The following SLC75A1 variants were observed in gnomAD, a reference collection of about 807,000 sequenced individuals.
SLC75A1 encodes the protein major facilitator superfamily domain containing 10.
the SLC75A1 span, chr4:2,931,818 G>A: frequency 1.9e-6 from 3 of 1,591,888 alleles, no homozygotes; most frequent in Non-Finnish European, 2.6e-6. Context: ...GCCAGATGGG[G>A]ACCCACCTAC....
At chr4:2,932,097 G>C in the SLC75A1 span, 1 of 1,610,896 alleles carries the variant, frequency 6.2e-7, no homozygotes, top group South Asian at 1.1e-5. Flanking sequence ...AGCGCAGCAG[G>C]GCCAGGGGGC....
the SLC75A1 span, chr4:2,933,303 TC>T: frequency 8.0e-7 from 1 of 1,253,624 alleles, no homozygotes; most frequent in Non-Finnish European, 1.1e-6. Context: ...GTCCTGAGGG[TC>T]CAGTCATGCT....
At chr4:2,931,919 G>A in the SLC75A1 span, 647 of 1,609,736 alleles carry the variant, frequency 4.0e-4, 1 homozygote, top group Non-Finnish European at 3.7e-4. Flanking sequence ...AGGCCCAGGC[G>A]GCGCAGGCTG....
the SLC75A1 span, chr4:2,931,505 T>C: frequency 6.3e-7 from 1 of 1,593,638 alleles, no homozygotes; most frequent in Non-Finnish European, 8.5e-7. Context: ...GCCCGTGCCC[T>C]GCAGGACTCA....
the SLC75A1 span, chr4:2,933,907 C>T: frequency 1.9e-6 from 3 of 1,567,630 alleles, no homozygotes; most frequent in Admixed American, 1.9e-5. Flanking sequence ...GCAGCCTCCA[C>T]CCCCTCCCCA....
At chr4:2,932,481 A>C in the SLC75A1 span, 1 of 1,613,660 alleles carries the variant, frequency 6.2e-7, no homozygotes, top group African/African-American at 1.3e-5. Flanking sequence ...GCCCAGGGTG[A>C]AGCCCAGTGA....
the SLC75A1 span, chr4:2,933,220 G>A: frequency 6.2e-7 from 1 of 1,612,370 alleles, no homozygotes; most frequent in South Asian, 1.1e-5. Flanking sequence ...CTGAGAGACA[G>A]ATGTCACCAT....
At chr4:2,931,221 G>C in the SLC75A1 span, 1 of 1,562,932 alleles carries the variant, frequency 6.4e-7, no homozygotes, top group Non-Finnish European at 8.7e-7. Context: ...AGGGAAGGGG[G>C]CTCACCATAG....
the SLC75A1 span, chr4:2,934,725 C>A: frequency 1.5e-5 from 2 of 136,454 alleles, no homozygotes; most frequent in Middle Eastern, 7.4e-3. Context: ...ACCCGAGCGC[C>A]CCCTACGCCC....
At chr4:2,934,790 G>A in the SLC75A1 span, 1 of 149,350 alleles carries the variant, frequency 6.7e-6, no homozygotes, top group African/African-American at 2.5e-5. Flanking sequence ...GCGCGCTCGG[G>A]ACGGACGGTC....
chr4:2,931,878 C>T, the SLC75A1 span: 22 of 1,611,214 alleles, frequency 1.4e-5, no homozygotes, highest in African/African-American at 1.7e-4. Context: ...ACTCCAGGCC[C>T]GAGAACAGGA....
At chr4:2,933,061 G>T in the SLC75A1 span, 2 of 1,573,350 alleles carry the variant, frequency 1.3e-6, no homozygotes. Flanking sequence ...CTACTGGCTG[G>T]GTGGGAGGAG....
chr4:2,932,289 T>C, the SLC75A1 span: 1 of 1,569,942 alleles, frequency 6.4e-7, no homozygotes. Flanking sequence ...AGGGGCACTT[T>C]ACATCGCTAT....
the SLC75A1 span, chr4:2,930,791 A>G: frequency 6.3e-7 from 1 of 1,597,668 alleles, no homozygotes; most frequent in Non-Finnish European, 8.5e-7. Context: ...GGCCTGACCT[A>G]GGCTCCCACT....
the SLC75A1 span, chr4:2,930,684 GTC>G: frequency 1.3e-6 from 1 of 750,878 alleles, no homozygotes. Context: ...GAGTAAGTAA[GTC>G]TGGAGGAGCT....
the SLC75A1 span, chr4:2,932,105 G>C: frequency 6.2e-7 from 1 of 1,610,650 alleles, no homozygotes; most frequent in Non-Finnish European, 8.5e-7. Flanking sequence ...AGGGCCAGGG[G>C]GCTGAGCAGA....
At chr4:2,931,967 G>C in the SLC75A1 span, 2 of 1,601,718 alleles carry the variant, frequency 1.2e-6, no homozygotes, top group South Asian at 1.1e-5. Flanking sequence ...CTGAGAAGGC[G>C]ACCACAGCAG....
At chr4:2,932,577 A>T in the SLC75A1 span, 2 of 1,612,622 alleles carry the variant, frequency 1.2e-6, no homozygotes, top group Non-Finnish European at 1.7e-6. Context: ...CCAGGACCCC[A>T]AAGGCCCAGC....
chr4:2,933,424 G>A, the SLC75A1 span: 2 of 981,166 alleles, frequency 2.0e-6, no homozygotes, highest in South Asian at 1.5e-5. Context: ...CCAGAAGCCA[G>A]GACATGTGGG....
Sources: gnomAD v4.1 joint callset for allele counts on GRCh38, gnomAD v4.1.1 for gene constraint, MANE v1.5 for transcripts, NCBI Gene and HGNC (gene_info 2026-07-23, HGNC 2026-07-21) for gene names.